The following ZDHHC23 variants were observed in gnomAD, a reference collection of about 807,000 sequenced individuals.
ZDHHC23 encodes the protein zDHHC palmitoyltransferase 23.
Under a neutral mutation model 40.2 loss-of-function variants are expected in ZDHHC23, and 41 were observed. The ratio of observed to expected loss-of-function variants is 1.02; its 90% CI spans 0.79 to 1.32. The LOEUF is 1.32. ZDHHC23 is among the 40% of genes most tolerant of loss of function. The pLI is 0.00. For synonymous variants in ZDHHC23, 204 were observed against 210.2 expected, an observed-to-expected ratio of 0.97 and a Z score of 0.26; for missense variants, 471 against 541.5, an observed-to-expected ratio of 0.87 and a Z score of 1.29.
chr3:113,966,117 C>T (rs956088181), downstream of ZDHHC23, among the ~76,000 whole-genome samples: 4 of 152,116 alleles, frequency 2.6e-5, no homozygotes, highest in Admixed American at 6.6e-5. Context: ...CAGAATGTGC[C>T]AAAGTTACAG....
Position 113,956,482 on chromosome 3 carries a change from G to A in ZDHHC23, c.1016G>A (p.Cys339Tyr). 6.2e-7 allele frequency: 1 copy of A among 1,613,464 alleles called. No homozygotes were observed. Among genetic ancestry groups the A allele is most frequent in the Non-Finnish European group, 8.5e-7 (1 of 1,179,864 alleles). ...DRSVFTALFY[C>Y]PGVYANYSSA... ...AGTGTCTTCACAGCTCTTTTCTATT[G>A]TCCTGGAGTTTATGCAAATTACAGG... Residue 339 changes from cysteine to tyrosine, a missense_variant, in exon 4 of 5, where the codon TGT (cysteine) becomes TAT (tyrosine). Around this residue, in one of 3 missense-constraint regions of ZDHHC23, gnomAD observed 346 missense variants for 399.8 expected, o/e 0.87. Coordinates refer to ENST00000638807, the MANE Select transcript of ZDHHC23 (RefSeq NM_001320466.2).
chr3:113,959,423 T>C lies in ZDHHC23; in HGVS notation c.*793T>C. ...GTAGTGTGGCCATGAGTTTAGGTGATGAGTTCTTCTATTTATATTTTATAA... is the reference window on the plus strand; with the variant it reads ...GTAGTGTGGCCATGAGTTTAGGTGACGAGTTCTTCTATTTATATTTTATAA... On this transcript the variant is annotated 3_prime_UTR_variant, in exon 5 of 5. Coordinates refer to ENST00000638807, the MANE Select transcript of ZDHHC23 (RefSeq NM_001320466.2). 8.2e-7 allele frequency: 1 copy of C among 1,223,316 alleles called. No homozygotes were observed. The highest frequency in any genetic ancestry group is 1.4e-5 in the South Asian group (1 of 72,684). The allele number at this position is 1,223,316 out of a possible 1,614,324, so 75.8% of individuals were successfully genotyped here.
intron 2 of ZDHHC23, among the ~76,000 whole-genome samples, chr3:113,950,480 T>C (rs1350997459): frequency 1.3e-5 from 2 of 152,140 alleles, no homozygotes; most frequent in Non-Finnish European, 2.9e-5. Context: ...GGCTCTATTA[T>C]AAGGGCACAA....
downstream of ZDHHC23, among the ~76,000 whole-genome samples, chr3:113,968,328 C>T (rs926314450): frequency 6.6e-6 from 1 of 152,202 alleles, no homozygotes; most frequent in Non-Finnish European, 1.5e-5. Flanking sequence ...AGCCATTTTA[C>T]TGGCATAAGA....
intron 4 of ZDHHC23, chr3:113,957,700 C>A: frequency 1.9e-6 from 1 of 515,732 alleles, no homozygotes; most frequent in Non-Finnish European, 3.9e-6. Flanking sequence ...CTAACTAACT[C>A]TTAATTTGCG....
intron 3 of ZDHHC23, among the ~76,000 whole-genome samples, chr3:113,955,805 C>A (rs1939171040): frequency 6.6e-6 from 1 of 152,150 alleles, no homozygotes. Flanking sequence ...TATACTTAGT[C>A]TTGTCCTTAA....
chr3:113,949,034 A>C, intron 2 of ZDHHC23, 71 bp downstream of exon 2: 1 of 1,575,994 alleles, frequency 6.3e-7, no homozygotes, highest in Non-Finnish European at 8.7e-7. Flanking sequence ...CTTTCAACCT[A>C]GCCACCCAGA....
At chr3:113,975,618 A>G in the ZDHHC23 span, among the ~76,000 whole-genome samples, 110 of 152,176 alleles carry the variant, frequency 7.2e-4, no homozygotes, top group Admixed American at 2.5e-3. Flanking sequence ...ATACTTTCAG[A>G]GAGTCTTAAG....
chr3:113,950,254 T>TA (rs1938536694), intron 2 of ZDHHC23, among the ~76,000 whole-genome samples: 1 of 152,242 alleles, frequency 6.6e-6, no homozygotes, highest in Admixed American at 6.5e-5. Context: ...CTTTTCTTAC[T>TA]AGCCTGTCTT....
rs773682731 is a variant in ZDHHC23 at position 113,954,197 on chromosome 3, A to G, written c.659A>G (p.Lys220Arg). The G allele has an allele frequency of 1.9e-6, 3 of 1,614,240 alleles. No individual in the cohort carries two copies. In the East Asian group the frequency reaches 6.7e-5, roughly 36 times the overall value. The stretch of plus-strand genomic sequence containing the variant: ...TGCCTGAGCAGAAAAGGGCAGGAGA[A>G]GACCAAAGGGTTCCCTGGGGCAGAC... ...LECLSRKGQE[K>R]TKGFPGADMS... Residue 220 changes from lysine to arginine, a missense_variant, in exon 3 of 5, where the codon AAG becomes AGG. Physicochemically the swap from Lys to Arg is conservative, Grantham distance 26 (BLOSUM62 2). Around this residue, in one of 3 missense-constraint regions of ZDHHC23, gnomAD observed 346 missense variants for 399.8 expected, o/e 0.87. Transcript: ENST00000638807.
chr3:113,972,674 G>A, the ZDHHC23 span, among the ~76,000 whole-genome samples: 3 of 152,090 alleles, frequency 2.0e-5, no homozygotes, highest in Admixed American at 6.6e-5. Context: ...GCGTGTTGAA[G>A]TCCCCTATGA....
At chr3:113,974,577 C>T in the ZDHHC23 span, among the ~76,000 whole-genome samples, 6 of 152,286 alleles carry the variant, frequency 3.9e-5, no homozygotes, top group South Asian at 1.2e-3. Flanking sequence ...ACCTTGGCCT[C>T]CCAAAGTGCT....
At chr3:113,974,406 ACCTCCCAGGT>A in the ZDHHC23 span, among the ~76,000 whole-genome samples, 1 of 148,892 alleles carries the variant, frequency 6.7e-6, no homozygotes, top group African/African-American at 2.5e-5. Flanking sequence ...TGCAACCTCC[ACCTCCCAGGT>A]TCAAGCCATT....
Position 113,959,207 on chromosome 3 carries a change from A to G in ZDHHC23, c.*577A>G, listed in dbSNP as rs1315801630. The stretch of plus-strand genomic sequence containing the variant: ...GGAAGAAAAACGTTTATAGTCTAGA[A>G]TATTGAAGCCAATATTATTAGGGTA... On this transcript the variant is annotated 3_prime_UTR_variant, in exon 5 of 5. Coordinates refer to ENST00000638807, the MANE Select transcript of ZDHHC23 (RefSeq NM_001320466.2). 6.6e-6 allele frequency: 7 copies of G among 1,068,460 alleles called. No individual in the cohort carries two copies. The highest frequency in any genetic ancestry group is 6.7e-5 in the East Asian group (1 of 15,034). The allele number at this position is 1,068,460 out of a possible 1,614,324, so 66.2% of individuals were successfully genotyped here.
rs1264096299 is a variant in ZDHHC23 at position 113,961,733 on chromosome 3, A to G, written c.*3103A>G. ...TGCTACAAACTTTCTCTTATGCAAT[A>G]GTCCTTGGTACTTCTAATATTTTTA... On this transcript the variant is annotated 3_prime_UTR_variant, in exon 5 of 5. Coordinates refer to ENST00000638807, the MANE Select transcript of ZDHHC23 (RefSeq NM_001320466.2). The G allele has an allele frequency of 6.6e-6, 1 of 152,664 alleles. No individual in the cohort carries two copies. Among genetic ancestry groups the G allele is most frequent in the Non-Finnish European group, 1.5e-5 (1 of 68,034 alleles). The allele number at this position is 152,664 out of a possible 1,614,324, so 9.5% of individuals were successfully genotyped here.
At chr3:113,966,804 T>TA (rs1162878158), downstream of ZDHHC23, among the ~76,000 whole-genome samples, 2 of 151,830 alleles carry the variant, frequency 1.3e-5, no homozygotes, top group Non-Finnish European at 2.9e-5. Context: ...GGTACTGCTT[T>TA]AAAAAAAGGC....
the ZDHHC23 span, among the ~76,000 whole-genome samples, chr3:113,973,837 A>C: frequency 6.6e-6 from 1 of 151,716 alleles, no homozygotes; most frequent in East Asian, 1.9e-4. Context: ...CAAGTTTTGG[A>C]AAGTTTCCTA....
At chr3:113,963,847 C>CTGTT (rs1041870502), downstream of ZDHHC23, among the ~76,000 whole-genome samples, 91 of 151,838 alleles carry the variant, frequency 6.0e-4, 1 homozygote, top group African/African-American at 2.0e-3. Context: ...TAGGTTTAAA[C>CTGTT]TGTTAGTGAT....
intron 2 of ZDHHC23, among the ~76,000 whole-genome samples, chr3:113,951,729 A>G (rs763902878): frequency 1.3e-5 from 2 of 152,208 alleles, no homozygotes; most frequent in Non-Finnish European, 2.9e-5. Context: ...GATCTCATCT[A>G]CATCCTTGCT....
Sources: allele counts gnomAD v4.1 joint callset (sites outside exome capture counted in the v4.1 genomes callset), GRCh38; gene constraint gnomAD v4.1.1; regional missense constraint gnomAD v4.1.1; transcripts MANE v1.5; gene names NCBI Gene and HGNC (gene_info 2026-07-23, HGNC 2026-07-21).